CAAP1: variants seen among roughly 807,000 people sequenced by gnomAD.
CAAP1 encodes caspase activity and apoptosis inhibitor 1.
CAAP1 carries 20 observed loss-of-function variants against 34.0 expected under a neutral mutation model. That is an observed-to-expected ratio of 0.59 (90% confidence interval 0.41 to 0.86). CAAP1 has a LOEUF of 0.86. Among genes scored for constraint, CAAP1 ranks in the 40% least tolerant of loss-of-function variants. The probability of loss-of-function intolerance (pLI) is 0.00; values close to 1 mark genes in which losing one functional copy is unlikely to be tolerated. For synonymous variants in CAAP1, 213 were observed against 166.7 expected (o/e 1.28, Z -2.14); for missense variants, 538 against 450.5 (o/e 1.19, Z -1.76).
At chr9:26,875,459 C>T (rs529096935) in intron 4 of CAAP1, among the ~76,000 whole-genome samples, 17 of 152,140 alleles carry the variant, frequency 1.1e-4, no homozygotes, top group South Asian at 2.1e-4. Flanking sequence ...GAGCATAGGT[C>T]GCCTACTAAA....
At chr9:26,850,719 T>G (rs147678359) in intron 5 of CAAP1, among the ~76,000 whole-genome samples, 1 of 152,200 alleles carries the variant, frequency 6.6e-6, no homozygotes, top group Non-Finnish European at 1.5e-5. Flanking sequence ...GCAGTTATAA[T>G]GGACAGGTGA....
intron 5 of CAAP1, among the ~76,000 whole-genome samples, chr9:26,850,661 C>T (rs1000322952): frequency 6.6e-6 from 1 of 152,118 alleles, no homozygotes; most frequent in Admixed American, 6.6e-5. Flanking sequence ...AGTCACTTAA[C>T]GTATACTAAA....
intron 4 of CAAP1, among the ~76,000 whole-genome samples, chr9:26,878,371 G>A (rs544294904): frequency 1.8e-4 from 27 of 152,158 alleles, no homozygotes; most frequent in African/African-American, 6.0e-4. Context: ...ATTCCTTGGC[G>A]CTCAGGTTTA....
chr9:26,869,240 CTT>C (rs940482360), intron 4 of CAAP1, among the ~76,000 whole-genome samples: 20 of 151,960 alleles, frequency 1.3e-4, no homozygotes, highest in African/African-American at 4.6e-4. Flanking sequence ...GGTGAAATTC[CTT>C]TTATTTAACT....
At chr9:26,865,524 C>CA (rs200010318) in intron 4 of CAAP1, among the ~76,000 whole-genome samples, 7,529 of 134,038 alleles carry the variant, frequency 0.056, 224 homozygotes, top group South Asian at 0.11. Flanking sequence ...AACTATGTCT[C>CA]AAAAAAAAAA....
intron 4 of CAAP1, among the ~76,000 whole-genome samples, chr9:26,873,288 GAGAT>G: frequency 6.6e-6 from 1 of 152,132 alleles, no homozygotes; most frequent in Non-Finnish European, 1.5e-5. Flanking sequence ...TTGAGAACTT[GAGAT>G]TTTTAAAATT....
chr9:26,858,876 T>C (rs1822938909), intron 5 of CAAP1, among the ~76,000 whole-genome samples: 1 of 149,550 alleles, frequency 6.7e-6, no homozygotes, highest in Non-Finnish European at 1.5e-5. Flanking sequence ...CAGGTGCCTG[T>C]AGTCCCAGCT....
At chr9:26,885,010 T>A in intron 3 of CAAP1, 125 bp from the exon 4 acceptor site, 1 of 643,564 alleles carries the variant, frequency 1.6e-6, no homozygotes, top group Non-Finnish European at 2.7e-6. Context: ...GGGTCAAAAC[T>A]TAAATTTTTA....
At chr9:26,873,369 A>G (rs980858791) in intron 4 of CAAP1, among the ~76,000 whole-genome samples, 1 of 152,200 alleles carries the variant, frequency 6.6e-6, no homozygotes, top group Non-Finnish European at 1.5e-5. Context: ...ATGCAGCACC[A>G]TTTTCACTGG....
intron 4 of CAAP1, among the ~76,000 whole-genome samples, chr9:26,865,087 C>T (rs1006712492): frequency 6.6e-6 from 1 of 151,938 alleles, no homozygotes; most frequent in Non-Finnish European, 1.5e-5. Flanking sequence ...AAAATAATGT[C>T]AATATAACAG....
In CAAP1 at chr9:26,868,220, A is replaced by C. The variant is rs559303808; in HGVS notation, c.666-7081T>G. Among the ~76,000 whole-genome samples, 127 of 151,682 alleles carry C rather than the reference A, an allele frequency of 8.4e-4. 1 individual carries two copies. Among genetic ancestry groups the C allele is most frequent in the Middle Eastern group, 3.4e-3 (1 of 290 alleles). On this transcript the variant is annotated intron_variant, in intron 4 of 5. Transcript: ENST00000333916. ...TGAATGTTACCTCATACGGCAAAAAACTTTGTGATTGTGATTAAGGATCTT... is the reference window on the plus strand; with the variant it reads ...TGAATGTTACCTCATACGGCAAAAACCTTTGTGATTGTGATTAAGGATCTT...
rs113676995 is a variant in CAAP1, at chr9:26,883,005, C to G, written c.665+1805G>C. On this transcript the variant is annotated intron_variant, in intron 4 of 5. Coordinates refer to ENST00000333916, the MANE Select transcript of CAAP1 (RefSeq NM_024828.4). ...TCCAATGCCTGTATCCCCATTATAT[C>G]TAGGAAGTAACTAACTTGCTTTTGA... Among the ~76,000 whole-genome samples the G allele has an allele frequency of 8.5e-5, 13 of 152,238 alleles. 2 individuals are homozygous for G. The highest frequency in any genetic ancestry group is 3.1e-4 in the African/African-American group (13 of 41,522).
intron 5 of CAAP1, among the ~76,000 whole-genome samples, chr9:26,849,841 ATTTT>A (rs758588539): frequency 7.0e-6 from 1 of 143,718 alleles, no homozygotes; most frequent in African/African-American, 2.5e-5. Context: ...TAGTAAAACA[ATTTT>A]TTTTTTTTTT....
At chr9:26,857,494 T>C (rs1822899005) in intron 5 of CAAP1, among the ~76,000 whole-genome samples, 1 of 152,144 alleles carries the variant, frequency 6.6e-6, no homozygotes, top group Non-Finnish European at 1.5e-5. Flanking sequence ...TAGCCGGGTG[T>C]GGTAGTGGGC....
At chr9:26,853,090 A>G (rs1421334045) in intron 5 of CAAP1, among the ~76,000 whole-genome samples, 1 of 152,176 alleles carries the variant, frequency 6.6e-6, no homozygotes, top group Non-Finnish European at 1.5e-5. Context: ...AGCTATTAGA[A>G]GGCTTTGATA....
At chr9:26,844,865 TA>T (rs1388991644) in intron 5 of CAAP1, among the ~76,000 whole-genome samples, 4 of 152,234 alleles carry the variant, frequency 2.6e-5, no homozygotes, top group African/African-American at 9.6e-5. Flanking sequence ...TCTTGAATTC[TA>T]TTTCACAGGA....
Position 26,892,598 on chromosome 9 carries a change from T to G in CAAP1, c.118A>C (p.Thr40Pro). 1 of 1,607,692 alleles carries G rather than the reference T, an allele frequency of 6.2e-7. No homozygotes were observed. Among genetic ancestry groups the G allele is most frequent in the Non-Finnish European group, 8.5e-7 (1 of 1,178,660 alleles). Reference protein sequence around the residue: ...PALASGSSGSTSGCGSAGGCG... With the variant: ...PALASGSSGSPSGCGSAGGCG... ...CCCCCGGCGCTCCCGCAGCCGCTAG[T>G]GCTTCCACTGCTGCCGCTGGCCAAC... is the stretch of plus-strand genomic sequence containing the variant. The change falls in exon 1 of 6, where the codon ACT becomes CCT. Residue 40 changes from threonine to proline, a missense_variant. By Grantham distance (38) the Thr-to-Pro change is conservative (BLOSUM62 -1). Coordinates refer to ENST00000333916, the MANE Select transcript of CAAP1 (RefSeq NM_024828.4).
At chr9:26,869,720 G>A (rs182482022) in intron 4 of CAAP1, among the ~76,000 whole-genome samples, 2 of 152,292 alleles carry the variant, frequency 1.3e-5, no homozygotes, top group Non-Finnish European at 2.9e-5. Flanking sequence ...GTAACTCTTG[G>A]TAAGCCAACA....
intron 5 of CAAP1, among the ~76,000 whole-genome samples, chr9:26,850,522 A>G (rs1190206274): frequency 6.6e-6 from 1 of 152,248 alleles, no homozygotes; most frequent in East Asian, 1.9e-4. Context: ...AAATACATTA[A>G]TAAGTTTGCA....
Sources: allele counts gnomAD v4.1 joint callset (sites outside exome capture counted in the v4.1 genomes callset), GRCh38; gene constraint gnomAD v4.1.1; transcripts MANE v1.5; gene names NCBI Gene and HGNC (gene_info 2026-07-23, HGNC 2026-07-21).